VPS35: variants seen among roughly 807,000 people sequenced by gnomAD.
VPS35 encodes VPS35 retromer complex component.
Under a neutral mutation model 98.1 loss-of-function variants are expected in VPS35, and 21 were observed. That is an observed-to-expected ratio of 0.21 (90% CI 0.15 to 0.31). VPS35 has a LOEUF of 0.31. VPS35 is among the 10% of genes least tolerant of loss of function. The probability of loss-of-function intolerance (pLI) is 1.00; values close to 1 mark genes in which losing one functional copy is unlikely to be tolerated. For missense variants in VPS35, 554 were observed against 950.8 expected (o/e 0.58, Z 5.49); for synonymous variants, 268 against 318.2 (o/e 0.84, Z 1.68).
chr16:46,679,742 C>T (rs558112676), intron 5 of VPS35, among the ~76,000 whole-genome samples: 4 of 152,254 alleles, frequency 2.6e-5, no homozygotes, highest in Admixed American at 2.0e-4. Flanking sequence ...CAGTACCTTT[C>T]AAAAATTGTT....
intron 6 of VPS35, 86 bp from the exon 7 acceptor site, chr16:46,677,484 C>A: frequency 9.0e-7 from 1 of 1,107,756 alleles, no homozygotes; most frequent in Non-Finnish European, 1.4e-6. Context: ...GAACTACTAA[C>A]TTGAAAATCG....
At chr16:46,674,249 G>C in intron 10 of VPS35, 65 bp downstream of exon 10, 1 of 1,573,238 alleles carries the variant, frequency 6.4e-7, no homozygotes, top group African/African-American at 1.3e-5. Context: ...AAACAATTGA[G>C]AAAGAAAAGC....
intron 12 of VPS35, among the ~76,000 whole-genome samples, chr16:46,670,840 A>G (rs1324445938): frequency 6.6e-6 from 1 of 152,206 alleles, no homozygotes; most frequent in Non-Finnish European, 1.5e-5. Flanking sequence ...AGGTGTGTCA[A>G]CTACAATGAA....
intron 13 of VPS35, among the ~76,000 whole-genome samples, chr16:46,663,958 G>A (rs979599723): frequency 2.3e-5 from 3 of 130,356 alleles, no homozygotes; most frequent in African/African-American, 8.8e-5. Flanking sequence ...CAAACCTCCC[G>A]CCTCAGCCTC....
rs3040555 is a variant in VPS35, at chr16:46,681,032, T to TAC, written c.324-181_324-180dup. 0.79 allele frequency among the ~76,000 whole-genome samples: 112,344 copies of TAC among 141,948 alleles called. 45,125 individuals are homozygous for TAC. The highest frequency in any genetic ancestry group is 0.88 in the South Asian group (3,771 of 4,304). 93.1% of individuals were successfully genotyped at this position (141,948 alleles called of 152,430 possible). A position where few individuals can be genotyped will look rare whatever the true frequency, so the allele number is the denominator to read the frequency against. Reference sequence around the variant, plus strand: ...CACTGACTGACCTCTAAAAAAACTATACACACACACACACACACACACACA... The same window carrying TAC: ...CACTGACTGACCTCTAAAAAAACTATACACACACACACACACACACACACACA... On this transcript the variant is annotated intron_variant, in intron 4 of 16. Transcript: ENST00000299138.
At chr16:46,674,025 A>G (rs1386483005) in intron 10 of VPS35, 7 of 391,148 alleles carry the variant, frequency 1.8e-5, no homozygotes, top group Middle Eastern at 7.3e-4. Flanking sequence ...CTTCCAGTGC[A>G]GCCCAGGGAA....
In VPS35 at chr16:46,665,590, C is replaced by CAAA. The variant is rs36051331; in HGVS notation, c.1648-2431_1648-2429dup. Among the ~76,000 whole-genome samples, 12 of 143,426 alleles carry CAAA rather than the reference C, an allele frequency of 8.4e-5. 2 individuals are homozygous for CAAA. Among genetic ancestry groups the CAAA allele is most frequent in the Non-Finnish European group, 1.1e-4 (7 of 65,876 alleles). 94.1% of individuals were successfully genotyped at this position (143,426 alleles called of 152,430 possible). A position where few individuals can be genotyped will look rare whatever the true frequency, so the allele number is the denominator to read the frequency against. On this transcript the variant is annotated intron_variant, in intron 13 of 16. Transcript: ENST00000299138. ...AGTCTGGGCAACAAAGACCTTGACT[C>CAAA]AAAAAAAAAAAAAAAAGTGACAGTG...
intron 1 of VPS35, 176 bp downstream of exon 1, chr16:46,688,955 C>T: frequency 5.3e-6 from 8 of 1,499,250 alleles, no homozygotes; most frequent in Non-Finnish European, 7.1e-6. Flanking sequence ...CGGCCCGGAT[C>T]AGCCTGCCCG....
intron 1 of VPS35, chr16:46,688,541 G>C: frequency 1.0e-6 from 1 of 991,236 alleles, no homozygotes; most frequent in Non-Finnish European, 1.2e-6. Flanking sequence ...GTCAGGATTA[G>C]AAGACAGCCT....
At chr16:46,677,529 A>C in intron 6 of VPS35, 131 bp from the exon 7 acceptor site, 1 of 791,328 alleles carries the variant, frequency 1.3e-6, no homozygotes. Flanking sequence ...CTTCACTTCT[A>C]AACTTTAAAA....
At chr16:46,688,612 C>G (rs1966362187) in intron 1 of VPS35, 17 of 1,002,602 alleles carry the variant, frequency 1.7e-5, no homozygotes, top group Non-Finnish European at 2.0e-5. Context: ...ACACTGCAGC[C>G]GAAGGCGGGT....
chr16:46,663,467 C>T (rs1238475124), intron 13 of VPS35, among the ~76,000 whole-genome samples: 1 of 152,092 alleles, frequency 6.6e-6, no homozygotes, highest in African/African-American at 2.4e-5. Flanking sequence ...CTGCAACCTC[C>T]GTCTCCTGGA....
chr16:46,666,795 G>A (rs951864862), intron 13 of VPS35, among the ~76,000 whole-genome samples: 2 of 151,996 alleles, frequency 1.3e-5, no homozygotes, highest in Admixed American at 6.6e-5. Flanking sequence ...GAATATGTGC[G>A]TACATACATA....
At chr16:46,675,114 C>G (rs558181165) in intron 8 of VPS35, among the ~76,000 whole-genome samples, 2 of 109,482 alleles carry the variant, frequency 1.8e-5, no homozygotes, top group South Asian at 4.5e-4. Context: ...TTTAACTAAA[C>G]AGTTTTGCCA....
Position 46,659,707 on chromosome 16 carries a change from T to C in VPS35, c.*765A>G, listed in dbSNP as rs1335796273. 2 of 147,910 alleles carry C rather than the reference T, an allele frequency of 1.4e-5. No individual in the cohort carries two copies. The highest frequency in any genetic ancestry group is 3.0e-5 in the Non-Finnish European group (2 of 66,470). 9.2% of individuals were successfully genotyped at this position (147,910 alleles called of 1,614,324 possible). A position where few individuals can be genotyped will look rare whatever the true frequency, so the allele number is the denominator to read the frequency against. ...AATAGCATCTTTATTGTTTCACTGG[T>C]GCAAAAAAAAAAATCATAATTGTGA... On this transcript the variant is annotated 3_prime_UTR_variant, in exon 17 of 17. Coordinates refer to ENST00000299138, the MANE Select transcript of VPS35 (RefSeq NM_018206.6).
chr16:46,660,297 T>C lies in VPS35; in HGVS notation c.*175A>G, dbSNP rs1353757078. 3.4e-6 allele frequency: 2 copies of C among 586,760 alleles called. No homozygotes were observed. The highest frequency in any genetic ancestry group is 3.8e-5 in the African/African-American group (2 of 52,200). The allele number at this position is 586,760 out of a possible 1,614,324, so 36.3% of individuals were successfully genotyped here. ...CTTGAACACTTACCAAGTGAATAAT[T>C]TTATTAAGGTCCTGAAGGTGAGTGT... On this transcript the variant is annotated 3_prime_UTR_variant, in exon 17 of 17. Transcript: ENST00000299138.
chr16:46,673,144 AT>A (rs1361660174), intron 10 of VPS35, among the ~76,000 whole-genome samples: 1 of 151,698 alleles, frequency 6.6e-6, no homozygotes, highest in Non-Finnish European at 1.5e-5. Flanking sequence ...TTTTAATTTT[AT>A]TTTTTATTAG....
In VPS35 at chr16:46,682,115, T is replaced by C. The variant is rs1156343828; in HGVS notation, c.163A>G (p.Thr55Ala). The change falls in exon 3 of 17, where the codon ACT becomes GCT. Residue 55 changes from threonine to alanine, a missense_variant. This residue lies in a region of VPS35 where 67 missense variants were observed against 103.3 expected (regional missense o/e 0.65). Transcript: ENST00000299138. ...TAACTCTTTGGTGATAACATAGAAG[T>C]CCGGAGTTCACCAAGCATATTAGAA... is the stretch of plus-strand genomic sequence containing the variant. The part of the protein sequence containing the change: ...HASNMLGELR[T>A]SMLSPKSYYE... 2 of 1,613,526 alleles carry C rather than the reference T, an allele frequency of 1.2e-6. No homozygotes were observed. The highest frequency in any genetic ancestry group is 1.7e-6 in the Non-Finnish European group (2 of 1,179,590).
intron 1 of VPS35, among the ~76,000 whole-genome samples, chr16:46,683,986 A>G (rs897760262): frequency 6.6e-6 from 1 of 152,156 alleles, no homozygotes; most frequent in African/African-American, 2.4e-5. Flanking sequence ...TCGACCTCCC[A>G]AAGTGCTTGG....
Sources: allele counts gnomAD v4.1 joint callset (sites outside exome capture counted in the v4.1 genomes callset), GRCh38; gene constraint gnomAD v4.1.1; regional missense constraint gnomAD v4.1.1; transcripts MANE v1.5; gene names NCBI Gene and HGNC (gene_info 2026-07-23, HGNC 2026-07-21).